RALYL: variants seen among roughly 807,000 people sequenced by gnomAD.
The protein encoded by RALYL is RNA-binding Raly-like protein.
In RALYL, 29 loss-of-function variants were observed where a neutral mutation model predicts 35.1. The ratio of observed to expected loss-of-function variants is 0.83; its 90% CI spans 0.61 to 1.13. The LOEUF is 1.13. Ranked by LOEUF, RALYL falls within the 50% of genes most tolerant of loss-of-function variation. RALYL has a pLI of 0.00. For missense variants in RALYL, 359 were observed against 360.4 expected (o/e 1.00, Z 0.03); for synonymous variants, 120 against 127.6 (o/e 0.94, Z 0.40).
At chr8:84,767,735 C>T (rs1814463040) in intron 2 of RALYL, among the ~76,000 whole-genome samples, 1 of 151,962 alleles carries the variant, frequency 6.6e-6, no homozygotes, top group African/African-American at 2.4e-5. Context: ...TGTAGTGCAC[C>T]CAAACATAAA....
chr8:84,572,629 CAAAT>C (rs1171684649), intron 2 of RALYL, among the ~76,000 whole-genome samples: 2 of 151,876 alleles, frequency 1.3e-5, no homozygotes, highest in South Asian at 2.1e-4. Flanking sequence ...TTTACAATAA[CAAAT>C]AGAATCCTCT....
intron 1 of RALYL, among the ~76,000 whole-genome samples, chr8:84,487,547 G>A (rs975897843): frequency 1.3e-5 from 2 of 151,958 alleles, no homozygotes; most frequent in African/African-American, 2.4e-5. Flanking sequence ...TATATGATAG[G>A]GGTCAAGAAA....
At chr8:84,794,885 T>G (rs916314151) in intron 3 of RALYL, among the ~76,000 whole-genome samples, 1 of 152,226 alleles carries the variant, frequency 6.6e-6, no homozygotes, top group Non-Finnish European at 1.5e-5. Flanking sequence ...CCGAGGGAGA[T>G]GAGCCCTGCA....
At chr8:84,580,670 A>G (rs1810615623) in intron 2 of RALYL, among the ~76,000 whole-genome samples, 1 of 152,232 alleles carries the variant, frequency 6.6e-6, no homozygotes, top group South Asian at 2.1e-4. Context: ...TTTCAGTAAT[A>G]TTCTCCTTTC....
At chr8:84,807,487 G>A (rs1362760184) in intron 4 of RALYL, among the ~76,000 whole-genome samples, 2 of 152,186 alleles carry the variant, frequency 1.3e-5, no homozygotes, top group Non-Finnish European at 2.9e-5. Flanking sequence ...GCATGTGCAA[G>A]TATCTTTTTC....
At chr8:84,234,456 A>T (rs150153932) in intron 1 of RALYL, among the ~76,000 whole-genome samples, 3 of 152,354 alleles carry the variant, frequency 2.0e-5, no homozygotes, top group East Asian at 3.9e-4. Flanking sequence ...GATGACCAGG[A>T]TACAATGTGA....
intron 2 of RALYL, among the ~76,000 whole-genome samples, chr8:84,668,216 A>G (rs1832461010): frequency 6.6e-6 from 1 of 152,178 alleles, no homozygotes; most frequent in South Asian, 2.1e-4. Flanking sequence ...TAAGGGATTC[A>G]AACAGGATTA....
At chr8:84,663,837 A>G (rs564502573) in intron 2 of RALYL, among the ~76,000 whole-genome samples, 9 of 151,952 alleles carry the variant, frequency 5.9e-5, no homozygotes, top group Non-Finnish European at 1.3e-4. Context: ...CCCATTTTTC[A>G]ATTTTTGCTT....
At chr8:84,535,042 T>A (rs1188824076) in intron 2 of RALYL, among the ~76,000 whole-genome samples, 1 of 152,202 alleles carries the variant, frequency 6.6e-6, no homozygotes, top group African/African-American at 2.4e-5. Flanking sequence ...AATGTCATCC[T>A]TTCATAGTTT....
At chr8:84,824,455 C>T (rs765192666) in intron 4 of RALYL, among the ~76,000 whole-genome samples, 1 of 151,822 alleles carries the variant, frequency 6.6e-6, no homozygotes, top group Non-Finnish European at 1.5e-5. Context: ...ACCTATAGAT[C>T]CAGCACTATT....
intron 2 of RALYL, among the ~76,000 whole-genome samples, chr8:84,533,349 G>A (rs752275731): frequency 1.3e-5 from 2 of 152,146 alleles, no homozygotes; most frequent in African/African-American, 4.8e-5. Flanking sequence ...CAATTTTTAT[G>A]AGTAGTCACA....
At chr8:84,546,409 C>T (rs1300539172) in intron 2 of RALYL, among the ~76,000 whole-genome samples, 1 of 152,152 alleles carries the variant, frequency 6.6e-6, no homozygotes, top group Non-Finnish European at 1.5e-5. Context: ...GTGTGAGCCA[C>T]CACGCCGAGC....
At chr8:84,357,090 T>A (rs1239226801) in intron 1 of RALYL, among the ~76,000 whole-genome samples, 1 of 152,078 alleles carries the variant, frequency 6.6e-6, no homozygotes. Context: ...TGATTAATAT[T>A]TTACTTGCAA....
rs1444298940 is a variant in RALYL, at chr8:84,613,888, C to G, written c.256+84311C>G. 4.7e-5 allele frequency among the ~76,000 whole-genome samples: 7 copies of G among 148,540 alleles called. 2 individuals carry two copies. The highest frequency in any genetic ancestry group is 1.7e-4 in the African/African-American group (7 of 40,040). The stretch of plus-strand genomic sequence containing the variant: ...TATATATATATATATATATAATACA[C>G]AAATCTTGCCATTTATATTTCAATG... On this transcript the variant is annotated intron_variant, in intron 2 of 8. Coordinates refer to ENST00000521268, the MANE Select transcript of RALYL (RefSeq NM_173848.7).
At chr8:84,770,318 G>T (rs1284357937) in intron 2 of RALYL, among the ~76,000 whole-genome samples, 1 of 151,034 alleles carries the variant, frequency 6.6e-6, no homozygotes, top group African/African-American at 2.4e-5. Context: ...TTCCTGTGTT[G>T]CTTTACTTAG....
chr8:84,712,293 T>C (rs1200778078), intron 2 of RALYL, among the ~76,000 whole-genome samples: 5 of 152,080 alleles, frequency 3.3e-5, no homozygotes, highest in South Asian at 4.2e-4. Flanking sequence ...AAATGCCAGT[T>C]TGGGAGCAGA....
At chr8:84,317,653 TGACA>T (rs1207276666) in intron 1 of RALYL, among the ~76,000 whole-genome samples, 8 of 152,236 alleles carry the variant, frequency 5.3e-5, no homozygotes, top group African/African-American at 1.9e-4. Context: ...AAACAAGTTT[TGACA>T]GAACAAAATT....
At chr8:84,535,752 C>A (rs1188419507) in intron 2 of RALYL, among the ~76,000 whole-genome samples, 2 of 151,578 alleles carry the variant, frequency 1.3e-5, no homozygotes, top group African/African-American at 4.9e-5. Context: ...GGATTACAGG[C>A]GTGAGCCACC....
At chr8:84,289,231 G>A (rs968079038) in intron 1 of RALYL, among the ~76,000 whole-genome samples, 2 of 152,150 alleles carry the variant, frequency 1.3e-5, no homozygotes, top group East Asian at 3.9e-4. Context: ...TGGCTGCCAG[G>A]TCCTTGAGAA....
Sources: allele counts gnomAD v4.1 joint callset (sites outside exome capture counted in the v4.1 genomes callset), GRCh38; gene constraint gnomAD v4.1.1; transcripts MANE v1.5; gene names NCBI Gene and HGNC (gene_info 2026-07-23, HGNC 2026-07-21).